YEATS4: variants seen among roughly 807,000 people sequenced by gnomAD.
YEATS4 encodes YEATS domain containing 4, also known as YEATS domain-containing protein 4.
YEATS4 carries 17 observed loss-of-function variants against 30.1 expected under a neutral mutation model. The ratio of observed to expected loss-of-function variants is 0.56; its 90% CI spans 0.39 to 0.85. YEATS4 has a LOEUF of 0.85. Ranked by LOEUF, YEATS4 falls within the 40% of genes least tolerant of loss-of-function variation. The pLI, the probability that YEATS4 is intolerant of heterozygous loss-of-function variation, is 0.00. For missense variants in YEATS4, 142 were observed against 268.3 expected (o/e 0.53, Z 3.29); for synonymous variants, 85 against 87.5 (o/e 0.97, Z 0.16).
At chr12:69,391,032 G>T (rs182808341), downstream of YEATS4, among the ~76,000 whole-genome samples, 4 of 152,278 alleles carry the variant, frequency 2.6e-5, no homozygotes, top group Admixed American at 2.0e-4. Context: ...GGCGGCTTAC[G>T]CCTGTAATAC....
chr12:69,382,941 A>C (rs1417601159), intron 6 of YEATS4, among the ~76,000 whole-genome samples: 1 of 152,168 alleles, frequency 6.6e-6, no homozygotes. Context: ...GAGGTCTTGG[A>C]GGAACAGGTT....
At chr12:69,415,579 A>T in the YEATS4 span, among the ~76,000 whole-genome samples, 3 of 152,214 alleles carry the variant, frequency 2.0e-5, no homozygotes, top group African/African-American at 7.2e-5. Flanking sequence ...ACAAACAGGT[A>T]TTTGGAGCAA....
At position 69,359,960 on chromosome 12, in the gene YEATS4, T is replaced by G; in HGVS notation, c.-13T>G. ...TCTTTCCCTGGCGGCGGCGGCTTCT[T>G]CCGTGGGACAATATGTTCAAGAGAA... On this transcript the variant is annotated 5_prime_UTR_variant, in exon 1 of 7. Transcript: ENST00000247843. 1 of 1,612,220 alleles carries G rather than the reference T, an allele frequency of 6.2e-7. No individual in the cohort carries two copies. Among genetic ancestry groups the G allele is most frequent in the Non-Finnish European group, 8.5e-7 (1 of 1,179,080 alleles).
chr12:69,393,616 G>A (rs1384948480), downstream of YEATS4, among the ~76,000 whole-genome samples: 1 of 151,712 alleles, frequency 6.6e-6, no homozygotes, highest in Non-Finnish European at 1.5e-5. Context: ...GAGTTGGAAA[G>A]TACAATGCAA....
downstream of YEATS4, among the ~76,000 whole-genome samples, chr12:69,395,101 A>T (rs535011777): frequency 7.4e-5 from 11 of 149,316 alleles, no homozygotes; most frequent in East Asian, 2.1e-3. Context: ...CTGCTAAAAG[A>T]CTGACTCAAC....
chr12:69,392,678 C>A (rs1309065923), downstream of YEATS4, among the ~76,000 whole-genome samples: 1 of 152,136 alleles, frequency 6.6e-6, no homozygotes, highest in Non-Finnish European at 1.5e-5. Context: ...TTTTTTCTAA[C>A]CAATGTAGGT....
intron 6 of YEATS4, among the ~76,000 whole-genome samples, chr12:69,377,780 A>G (rs1247918710): frequency 1.3e-5 from 2 of 152,198 alleles, no homozygotes; most frequent in African/African-American, 4.8e-5. Context: ...ATCCTTGAGA[A>G]TGATCCATGA....
the YEATS4 span, among the ~76,000 whole-genome samples, chr12:69,413,003 CA>C: frequency 6.6e-6 from 1 of 152,020 alleles, no homozygotes; most frequent in African/African-American, 2.4e-5. Context: ...ATTGGAAAGA[CA>C]GAAAAAAAAC....
chr12:69,403,625 G>A, the YEATS4 span, among the ~76,000 whole-genome samples: 22 of 151,010 alleles, frequency 1.5e-4, no homozygotes, highest in Admixed American at 3.3e-4. Context: ...GCAGAACCAT[G>A]ACATACAAGC....
chr12:69,370,831 C>T (rs1398853029), intron 5 of YEATS4, 33 bp downstream of exon 5: 1 of 1,595,856 alleles, frequency 6.3e-7, no homozygotes, highest in Non-Finnish European at 8.5e-7. Context: ...GTTTTAAAAG[C>T]ATTTGAAGTT....
At chr12:69,390,064 C>T in intron 6 of YEATS4, 83 bp from the exon 7 acceptor site, 1 of 1,105,876 alleles carries the variant, frequency 9.0e-7, no homozygotes, top group South Asian at 2.0e-5. Flanking sequence ...ACATTGTCGT[C>T]AGGAAATGCC....
chr12:69,422,134 G>A, the YEATS4 span, among the ~76,000 whole-genome samples: 1 of 152,322 alleles, frequency 6.6e-6, no homozygotes, highest in African/African-American at 2.4e-5. Flanking sequence ...GAAGGGGGTG[G>A]AGGATGTGAG....
Position 69,360,218 on chromosome 12 carries a change from A to G in YEATS4, c.51+195A>G, listed in dbSNP as rs147818022. Among the ~76,000 whole-genome samples, 27 of 152,192 alleles carry G rather than the reference A, an allele frequency of 1.8e-4. No individual in the cohort carries two copies. The East Asian group carries it at 4.4e-3, about 25-fold the overall frequency. ...CATTGGGCCCCAACTTCCTCGCGTC[A>G]CTGCCAACTCCCACCCCCGCCAAAA... On this transcript the variant is annotated intron_variant, in intron 1 of 6. Transcript: ENST00000247843.
Position 69,388,066 on chromosome 12 carries a change from T to A in YEATS4, c.515-2081T>A, listed in dbSNP as rs570110912. Reference sequence around the variant, plus strand: ...TTTTTTTATTTTTTTTATTTTTATTTTTTTTTTTTGAGGCAGAGTCTCGCG... The same window carrying A: ...TTTTTTTATTTTTTTTATTTTTATTATTTTTTTTTGAGGCAGAGTCTCGCG... On this transcript the variant is annotated intron_variant, in intron 6 of 6. Transcript: ENST00000247843. Among the ~76,000 whole-genome samples the A allele has an allele frequency of 8.0e-5, 12 of 149,426 alleles. No homozygotes were observed. The South Asian group carries it at 1.9e-3, about 23-fold the overall frequency.
At chr12:69,415,565 A>T in the YEATS4 span, among the ~76,000 whole-genome samples, 2 of 152,202 alleles carry the variant, frequency 1.3e-5, no homozygotes, top group Non-Finnish European at 2.9e-5. Flanking sequence ...TGTCTTAAAA[A>T]CAAACAAACA....
chr12:69,408,186 G>A, the YEATS4 span, among the ~76,000 whole-genome samples: 167 of 152,248 alleles, frequency 1.1e-3, 2 homozygotes, highest in Non-Finnish European at 9.1e-4. Flanking sequence ...ATACTGTTGG[G>A]CATTACAAGA....
rs1200740885 is a variant in YEATS4 at position 69,390,494 on chromosome 12, A to G, written c.*178A>G. 9 of 496,902 alleles carry G rather than the reference A, an allele frequency of 1.8e-5. No homozygotes were observed. Among genetic ancestry groups the G allele is most frequent in the Non-Finnish European group, 3.0e-5 (9 of 300,668 alleles). The allele number at this position is 496,902 out of a possible 1,614,324, so 30.8% of individuals were successfully genotyped here. A position where few individuals can be genotyped will look rare whatever the true frequency, so the allele number is the denominator to read the frequency against. Reference sequence around the variant, plus strand: ...ATTTAAGCAATCTTTAATGGAAAATATGTGTGTAAGAATGGATGCTATATA... The same window carrying G: ...ATTTAAGCAATCTTTAATGGAAAATGTGTGTGTAAGAATGGATGCTATATA... On this transcript the variant is annotated 3_prime_UTR_variant, in exon 7 of 7. Transcript: ENST00000247843.
At chr12:69,360,660 C>G (rs1029520003) in intron 1 of YEATS4, among the ~76,000 whole-genome samples, 5 of 137,646 alleles carry the variant, frequency 3.6e-5, no homozygotes, top group African/African-American at 1.3e-4. Context: ...CAGCCCCTGG[C>G]ACGTTAATTT....
chr12:69,373,766 T>C (rs1004517493), intron 6 of YEATS4, among the ~76,000 whole-genome samples: 4 of 152,230 alleles, frequency 2.6e-5, no homozygotes, highest in Non-Finnish European at 5.9e-5. Flanking sequence ...AGATCTTAGA[T>C]TTAAGTCTTT....
Sources: gnomAD v4.1 joint callset for allele counts (sites outside exome capture counted in the v4.1 genomes callset) on GRCh38, gnomAD v4.1.1 for gene constraint, MANE v1.5 for transcripts, NCBI Gene and HGNC (gene_info 2026-07-23, HGNC 2026-07-21) for gene names.